The following SCN4A variants were observed in gnomAD, a reference collection of about 807,000 sequenced individuals.
SCN4A encodes the protein sodium voltage-gated channel alpha subunit 4.
A neutral mutation model predicts 162.0 loss-of-function variants in SCN4A; 83 were observed. The observed-to-expected ratio is 0.51, with a 90% confidence interval of 0.43 to 0.61. SCN4A has a LOEUF of 0.61. Among genes scored for constraint, SCN4A ranks in the 20% least tolerant of loss-of-function variants. The pLI is 0.00. For missense variants in SCN4A, 2,196 were observed against 2,462.5 expected, an observed-to-expected ratio of 0.89 and a Z score of 2.29; for synonymous variants, 944 against 985.1, an observed-to-expected ratio of 0.96 and a Z score of 0.78.
At position 63,939,561 on chromosome 17, in the gene SCN4A, G is replaced by C. The variant is rs1908453614; in HGVS notation, c.*1210C>G. 7.8e-6 allele frequency: 1 copy of C among 128,472 alleles called. No individual in the cohort carries two copies. The allele number at this position is 128,472 out of a possible 1,614,324, so 8.0% of individuals were successfully genotyped here. A position where few individuals can be genotyped will look rare whatever the true frequency, so the allele number is the denominator to read the frequency against. Reference sequence around the variant, plus strand: ...CAAGTGAATAAATCCAGCGACGCCTGAGCAGGTCTCTCACCCCTCCTCCTG... The same window carrying C: ...CAAGTGAATAAATCCAGCGACGCCTCAGCAGGTCTCTCACCCCTCCTCCTG... On this transcript the variant is annotated 3_prime_UTR_variant, in exon 24 of 24. Transcript: ENST00000435607.
intron 12 of SCN4A, among the ~76,000 whole-genome samples, chr17:63,959,007 C>T (rs1909159901): frequency 6.6e-6 from 1 of 152,190 alleles, no homozygotes; most frequent in Non-Finnish European, 1.5e-5. Context: ...TGCTCAAGGT[C>T]ATTAAGGAAT....
chr17:63,971,153 C>T lies in SCN4A; in HGVS notation c.703+9G>A, dbSNP rs374667853. 1.4e-5 allele frequency: 22 copies of T among 1,542,538 alleles called. No individual in the cohort carries two copies. The highest frequency in any genetic ancestry group is 1.8e-5 in the Non-Finnish European group (21 of 1,137,506). On this transcript the variant is annotated intron_variant, in intron 5 of 23. Coordinates refer to ENST00000435607, the MANE Select transcript of SCN4A (RefSeq NM_000334.4). ...GCTCAGGCAGAGGGTCCCTGCACCT[C>T]CCCAGTACCTGGGATGACCGTGATG...
chr17:63,957,273 G>C lies in SCN4A; in HGVS notation c.2265C>G (p.Phe755Leu). 1 of 1,614,134 alleles carries C rather than the reference G, an allele frequency of 6.2e-7. No individual in the cohort carries two copies. Among genetic ancestry groups the C allele is most frequent in the South Asian group, 1.1e-5 (1 of 91,088 alleles). Residue 755 changes from phenylalanine (F) to leucine (L), a missense_variant, in exon 13 of 24, where the codon TTC becomes TTG. Coordinates refer to ENST00000435607, the MANE Select transcript of SCN4A (RefSeq NM_000334.4). ...CGATCCACTCCCCGCACAGGATGCGGAAGACGATGAGGAAGGAGTGGAAGA... is the reference window on the plus strand; with the variant it reads ...CGATCCACTCCCCGCACAGGATGCGCAAGACGATGAGGAAGGAGTGGAAGA... Reference protein sequence around the residue: ...HDFFHSFLIVFRILCGEWIET... With the variant: ...HDFFHSFLIVLRILCGEWIET...
chr17:63,944,640 CG>C lies in SCN4A; in HGVS notation c.3912+32del, dbSNP rs145030641. The C allele has an allele frequency of 1.3e-3, 2,014 of 1,575,370 alleles. 25 individuals are homozygous for C. In the African/African-American group the frequency reaches 0.025, roughly 19 times the overall value. The stretch of plus-strand genomic sequence containing the variant: ...AGGAGGCAGGAGGGAGGCCCAGCAC[CG>C]GGAGGGCCCGAGGGGCTGGGCTGAT... On this transcript the variant is annotated intron_variant, in intron 21 of 23. Coordinates refer to ENST00000435607, the MANE Select transcript of SCN4A (RefSeq NM_000334.4). The surrounding 1 kb of genome is among the most constrained non-coding windows in gnomAD (Gnocchi z 4.3).
rs1235744336 is a variant in SCN4A, at chr17:63,953,668, C to T, written c.2377-1768G>A. ...CTGCACTCCAGCCTGGGTGACAGTG[C>T]GAGACCCTGCCTTGAAGAAAAAAAA... On this transcript the variant is annotated intron_variant, in intron 13 of 23. Transcript: ENST00000435607. 9.0e-5 allele frequency among the ~76,000 whole-genome samples: 13 copies of T among 144,794 alleles called. No homozygotes were observed. In the East Asian group the frequency reaches 1.6e-3, roughly 18 times the overall value. 95.0% of individuals were successfully genotyped at this position (144,794 alleles called of 152,430 possible).
In SCN4A at chr17:63,972,858, CAGAGACCAGA is replaced by C. The variant is rs1475318724; in HGVS notation, c.-27_-18del. The stretch of plus-strand genomic sequence containing the variant: ...TCTGGCCATCCTCGCATCCTGGGCT[CAGAGACCAGA>C]AGGGTGGTGGGTGGCCTGGGGAGCT... On this transcript the variant is annotated 5_prime_UTR_variant, in exon 1 of 24. Transcript: ENST00000435607. The surrounding 1 kb of genome is among the most constrained non-coding windows in gnomAD (Gnocchi z 4.3). 35 of 1,594,022 alleles carry C rather than the reference CAGAGACCAGA, an allele frequency of 2.2e-5. No individual in the cohort carries two copies. Among genetic ancestry groups the C allele is most frequent in the Middle Eastern group, 1.7e-4 (1 of 5,864 alleles).
chr17:63,955,211 G>A (rs567586335), intron 13 of SCN4A, among the ~76,000 whole-genome samples: 2 of 152,288 alleles, frequency 1.3e-5, no homozygotes, highest in African/African-American at 4.8e-5. Context: ...GTGCCTCCTC[G>A]AGAGTGTGGA....
Position 63,968,395 on chromosome 17 carries a change from G to T in SCN4A, c.704-40C>A, listed in dbSNP as rs538654017. 3.3e-6 allele frequency: 5 copies of T among 1,536,120 alleles called. No individual in the cohort carries two copies. In the African/African-American group the frequency reaches 5.5e-5, roughly 17 times the overall value. Reference sequence around the variant, plus strand: ...GGCAAGGATATTGGCAGGGGGCAGGGCAGGGTGATAACAGAGCCCCCGCGG... The same window carrying T: ...GGCAAGGATATTGGCAGGGGGCAGGTCAGGGTGATAACAGAGCCCCCGCGG... On this transcript the variant is annotated intron_variant, in intron 5 of 23. Transcript: ENST00000435607.
chr17:63,958,877 G>A lies in SCN4A; in HGVS notation c.2019+388C>T, dbSNP rs563324025. ...TGATAAAGTTTTAAAAAGAATAATA[G>A]TGCTCCTTATGGGGTGGTGAAAAGA... On this transcript the variant is annotated intron_variant, in intron 12 of 23. Coordinates refer to ENST00000435607, the MANE Select transcript of SCN4A (RefSeq NM_000334.4). Among the ~76,000 whole-genome samples, 123 of 152,296 alleles carry A rather than the reference G, an allele frequency of 8.1e-4. 7 individuals carry two copies. In the South Asian group the frequency reaches 0.025, roughly 31 times the overall value.
rs757007228 is a variant in SCN4A at position 63,945,681 on chromosome 17, T to C, written c.3442-43A>G. 3.1e-6 allele frequency: 5 copies of C among 1,608,494 alleles called. No individual in the cohort carries two copies. The highest frequency in any genetic ancestry group is 2.2e-5 in the South Asian group (2 of 90,974). ...CATTGCCAGTGCCTCTCCCAGCCTC[T>C]GAGAGAGGGCTCCACATCTCTACGC... On this transcript the variant is annotated intron_variant, in intron 18 of 23. Coordinates refer to ENST00000435607, the MANE Select transcript of SCN4A (RefSeq NM_000334.4). This position sits in a 1 kb window ranked among gnomAD's most constrained non-coding sequence, Gnocchi z 4.4.
rs1267940830 is a variant in SCN4A, at chr17:63,968,198, G to C, written c.861C>G (p.Phe287Leu). The C allele has an allele frequency of 6.2e-7, 1 of 1,613,886 alleles. No homozygotes were observed. The highest frequency in any genetic ancestry group is 1.3e-5 in the African/African-American group (1 of 74,916). ...TGTACCACGTGGTGTTGGTGTCGTTGAACGGCGGGGGCCAGCGCACACACT... is the reference window on the plus strand; with the variant it reads ...TGTACCACGTGGTGTTGGTGTCGTTCAACGGCGGGGGCCAGCGCACACACT... ...RQKCVRWPPP[F>L]NDTNTTWYSN... Residue 287 changes from phenylalanine (F) to leucine (L), a missense_variant, in exon 6 of 24, where the codon TTC becomes TTG. Coordinates refer to ENST00000435607, the MANE Select transcript of SCN4A (RefSeq NM_000334.4).
chr17:63,946,756 C>T (rs1468469145), intron 18 of SCN4A, among the ~76,000 whole-genome samples: 1 of 152,152 alleles, frequency 6.6e-6, no homozygotes, highest in African/African-American at 2.4e-5. Flanking sequence ...GGCCGTGGGG[C>T]CCTCCTGGGT....
chr17:63,961,465 G>GAA, intron 10 of SCN4A, 34 bp from the exon 11 acceptor site: 1 of 1,503,722 alleles, frequency 6.7e-7, no homozygotes. Flanking sequence ...ATCTGGTGAG[G>GAA]ATTATCCCCT....
Position 63,971,173 on chromosome 17 carries a change from G to T in SCN4A, c.692C>A (p.Thr231Lys). The T allele has an allele frequency of 6.4e-7, 1 of 1,559,344 alleles. No homozygotes were observed. The highest frequency in any genetic ancestry group is 8.7e-7 in the Non-Finnish European group (1 of 1,150,482). Residue 231 changes from threonine (T) to lysine (K), a missense_variant, in exon 5 of 24, where the codon ACG becomes AAG. Physicochemically the swap from Thr to Lys is moderately conservative, Grantham distance 78. Transcript: ENST00000435607. The stretch of plus-strand genomic sequence containing the variant: ...CACCTCCCCAGTACCTGGGATGACC[G>T]TGATGGTTTTGAGGGCCCGCAGCAC... ...FRVLRALKTI[T>K]VIPGLKTIVG...
Position 63,951,575 on chromosome 17 carries a change from T to G in SCN4A, c.2702A>C (p.Asp901Ala). The stretch of plus-strand genomic sequence containing the variant: ...CAGCTCGAGGCTGGATGGGGGGCCG[T>G]CAGCCAGGCCCATGTGGTTCAGGAT... Reference protein sequence around the residue: ...NHILNHMGLADGPPSSLELDH... With the variant: ...NHILNHMGLAAGPPSSLELDH... Residue 901 changes from aspartate (D) to alanine (A), a missense_variant, in exon 14 of 24, where the codon GAC becomes GCC. Coordinates refer to ENST00000435607, the MANE Select transcript of SCN4A (RefSeq NM_000334.4). The surrounding 1 kb of genome is among the most constrained non-coding windows in gnomAD (Gnocchi z 4.5). 6.2e-7 allele frequency: 1 copy of G among 1,613,900 alleles called. No individual in the cohort carries two copies. The highest frequency in any genetic ancestry group is 8.5e-7 in the Non-Finnish European group (1 of 1,179,848).
At chr17:63,957,606 T>C (rs1223572333) in intron 12 of SCN4A, 88 bp from the exon 13 acceptor site, 5 of 848,050 alleles carry the variant, frequency 5.9e-6, no homozygotes, top group Non-Finnish European at 9.2e-6. Context: ...CAGTGTCGAG[T>C]AGCTTGAATC....
intron 16 of SCN4A, among the ~76,000 whole-genome samples, 161 bp from the exon 17 acceptor site, chr17:63,948,224 T>C (rs1264310278): frequency 2.0e-5 from 3 of 152,128 alleles, no homozygotes; most frequent in African/African-American, 7.2e-5. Flanking sequence ...CCACCCATCA[T>C]GGGGATGAGA....
chr17:63,940,997 C>T lies in SCN4A; in HGVS notation c.5285G>A (p.Gly1762Glu), dbSNP rs1328990008. 1 of 1,613,100 alleles carries T rather than the reference C, an allele frequency of 6.2e-7. No individual in the cohort carries two copies. The highest frequency in any genetic ancestry group is 8.5e-7 in the Non-Finnish European group (1 of 1,179,228). ...CCCCTCCTTCTCAGGGGCGTCATCC[C>T]CGCTGCCGTCGTGGCTGTGGCGGTA... ...YMYRHSHDGSGDDAPEKEGLL... is the reference protein window; with the variant it reads ...YMYRHSHDGSEDDAPEKEGLL... The change falls in exon 24 of 24, where the codon GGG (glycine) becomes GAG (glutamate). Residue 1762 changes from glycine (G) to glutamate (E), a missense_variant. Physicochemically the swap from Gly to Glu is moderately conservative, Grantham distance 98. Coordinates refer to ENST00000435607, the MANE Select transcript of SCN4A (RefSeq NM_000334.4).
intron 10 of SCN4A, 121 bp from the exon 11 acceptor site, chr17:63,961,552 T>A: frequency 2.8e-6 from 2 of 716,106 alleles, no homozygotes; most frequent in Non-Finnish European, 4.9e-6. Flanking sequence ...ATCTCAACCC[T>A]CTAGCAAGGC....
Sources: gnomAD v4.1 joint callset for allele counts (sites outside exome capture counted in the v4.1 genomes callset) on GRCh38, gnomAD v4.1.1 for gene constraint, Gnocchi (gnomAD v3.1) non-coding constraint, MANE v1.5 for transcripts, NCBI Gene and HGNC (gene_info 2026-07-23, HGNC 2026-07-21) for gene names.